Variants in RCAN2 observed in about 807,000 individuals in gnomAD.
RCAN2 encodes the protein calcipressin-2.
A neutral mutation model predicts 23.6 loss-of-function variants in RCAN2; 9 were observed. The ratio of observed to expected loss-of-function variants is 0.38; its 90% CI spans 0.23 to 0.67. The LOEUF (loss-of-function observed/expected upper bound fraction) is 0.67. Among genes scored for constraint, RCAN2 ranks in the 30% least tolerant of loss-of-function variants. The probability of loss-of-function intolerance (pLI) is 0.51; values close to 1 mark genes in which losing one functional copy is unlikely to be tolerated. For synonymous variants in RCAN2, 109 were observed against 115.7 expected, an observed-to-expected ratio of 0.94 and a Z score of 0.37; for missense variants, 273 against 302.3, an observed-to-expected ratio of 0.90 and a Z score of 0.72.
At chr6:46,326,511 T>C (rs2150364701) in intron 2 of RCAN2, among the ~76,000 whole-genome samples, 1 of 152,350 alleles carries the variant, frequency 6.6e-6, no homozygotes. Flanking sequence ...CCTTTATATC[T>C]TCAGTCTTTC....
At chr6:46,367,734 C>T (rs903835927) in intron 2 of RCAN2, among the ~76,000 whole-genome samples, 1 of 152,120 alleles carries the variant, frequency 6.6e-6, no homozygotes, top group African/African-American at 2.4e-5. Context: ...TCTCAGATTA[C>T]AAGATTAGGA....
Position 46,445,801 on chromosome 6 carries a change from C to T in RCAN2, c.225+10951G>A, listed in dbSNP as rs182837621. Among the ~76,000 whole-genome samples the T allele has an allele frequency of 2.8e-3, 426 of 151,386 alleles. 2 individuals carry two copies. Among genetic ancestry groups the T allele is most frequent in the African/African-American group, 9.4e-3 (387 of 41,254 alleles). Reference sequence around the variant, plus strand: ...AAAATACAATAGAGGGTGTCAACAGCGAACTGGTGAAGCAGAAGAAAGCCT... The same window carrying T: ...AAAATACAATAGAGGGTGTCAACAGTGAACTGGTGAAGCAGAAGAAAGCCT... On this transcript the variant is annotated intron_variant, in intron 2 of 4. Transcript: ENST00000371374.
intron 2 of RCAN2, among the ~76,000 whole-genome samples, chr6:46,329,645 C>A (rs1489993729): frequency 6.6e-6 from 1 of 152,088 alleles, no homozygotes; most frequent in Non-Finnish European, 1.5e-5. Context: ...AGAAGGGCTG[C>A]AAAGGCATGG....
chr6:46,328,334 T>C (rs1763859158), intron 2 of RCAN2, among the ~76,000 whole-genome samples: 1 of 152,214 alleles, frequency 6.6e-6, no homozygotes, highest in South Asian at 2.1e-4. Flanking sequence ...TAACTCATAG[T>C]ATTATCCCTC....
chr6:46,399,677 G>T lies in RCAN2; in HGVS notation c.225+57075C>A, dbSNP rs1366199601. On this transcript the variant is annotated intron_variant, in intron 2 of 4. Coordinates refer to ENST00000371374, the MANE Select transcript of RCAN2 (RefSeq NM_001251974.2). ...GGCTGCCAGCAATCCCTCCACTCCTGGCTTCTAGATGAGTTACTCCAATCT... is the reference window on the plus strand; with the variant it reads ...GGCTGCCAGCAATCCCTCCACTCCTTGCTTCTAGATGAGTTACTCCAATCT... Among the ~76,000 whole-genome samples, 6 of 151,752 alleles carry T rather than the reference G, an allele frequency of 4.0e-5. No individual in the cohort carries two copies. The South Asian group carries it at 1.3e-3, about 32-fold the overall frequency.
At chr6:46,440,752 T>C (rs1230358561) in intron 2 of RCAN2, among the ~76,000 whole-genome samples, 2 of 152,064 alleles carry the variant, frequency 1.3e-5, no homozygotes, top group Admixed American at 1.3e-4. Context: ...CACATAATCC[T>C]CATAGTGAGA....
chr6:46,468,604 T>G (rs973952020), intron 1 of RCAN2, among the ~76,000 whole-genome samples: 1 of 152,232 alleles, frequency 6.6e-6, no homozygotes, highest in South Asian at 2.1e-4. Flanking sequence ...CAAACCCATT[T>G]ATTGACGTTT....
At chr6:46,243,156 G>A (rs567532213) in intron 4 of RCAN2, among the ~76,000 whole-genome samples, 56 of 152,294 alleles carry the variant, frequency 3.7e-4, no homozygotes, top group South Asian at 8.3e-4. Context: ...GAAGGGTGTG[G>A]CCCTGCTCCC....
intron 2 of RCAN2, among the ~76,000 whole-genome samples, chr6:46,363,425 T>C (rs995266234): frequency 6.6e-6 from 1 of 152,104 alleles, no homozygotes; most frequent in African/African-American, 2.4e-5. Flanking sequence ...AATTTCACTT[T>C]AAAAATGTAT....
intron 2 of RCAN2, among the ~76,000 whole-genome samples, chr6:46,347,635 T>C (rs1438696771): frequency 1.3e-5 from 2 of 152,218 alleles, no homozygotes; most frequent in African/African-American, 4.8e-5. Flanking sequence ...GTTACCTTGT[T>C]TTTTAAAATA....
intron 4 of RCAN2, among the ~76,000 whole-genome samples, chr6:46,238,379 A>G (rs932583131): frequency 3.3e-5 from 5 of 152,054 alleles, no homozygotes; most frequent in African/African-American, 1.2e-4. Flanking sequence ...TTAAACCCCT[A>G]ATGGTGTCTG....
intron 2 of RCAN2, among the ~76,000 whole-genome samples, chr6:46,394,870 G>A (rs1404172226): frequency 2.6e-5 from 4 of 152,170 alleles, no homozygotes; most frequent in Admixed American, 2.6e-4. Flanking sequence ...GGAAGCAGTG[G>A]ACATAGTGAG....
chr6:46,489,579 G>A (rs1354717985), intron 1 of RCAN2, among the ~76,000 whole-genome samples: 1 of 152,248 alleles, frequency 6.6e-6, no homozygotes, highest in Non-Finnish European at 1.5e-5. Flanking sequence ...ACACCGTGAT[G>A]TGCACTTACA....
At chr6:46,378,367 C>T (rs796371666) in intron 2 of RCAN2, among the ~76,000 whole-genome samples, 6 of 152,254 alleles carry the variant, frequency 3.9e-5, no homozygotes, top group African/African-American at 1.4e-4. Flanking sequence ...TTATGAATAC[C>T]TGGTCCAATG....
Position 46,388,397 on chromosome 6 carries a change from T to C in RCAN2, c.225+68355A>G, listed in dbSNP as rs190898127. 4.5e-4 allele frequency among the ~76,000 whole-genome samples: 68 copies of C among 152,256 alleles called. 2 individuals carry two copies. In the East Asian group the frequency reaches 0.013, roughly 29 times the overall value. ...TCGTGGAAGGCAGTGTGGCAATTCC[T>C]GAAGGATCTAGAACCAGAAATACCA... On this transcript the variant is annotated intron_variant, in intron 2 of 4. Coordinates refer to ENST00000371374, the MANE Select transcript of RCAN2 (RefSeq NM_001251974.2).
At chr6:46,334,460 A>T (rs1764080246) in intron 2 of RCAN2, among the ~76,000 whole-genome samples, 1 of 152,218 alleles carries the variant, frequency 6.6e-6, no homozygotes, top group African/African-American at 2.4e-5. Context: ...CACACAGACA[A>T]GAAATAAATC....
chr6:46,434,893 G>A (rs1030395883), intron 2 of RCAN2, among the ~76,000 whole-genome samples: 4 of 152,184 alleles, frequency 2.6e-5, no homozygotes, highest in Non-Finnish European at 4.4e-5. Context: ...AGGGCAGCCC[G>A]CACACAAAGA....
At chr6:46,228,624 C>G (rs555023093) in intron 4 of RCAN2, among the ~76,000 whole-genome samples, 17 of 151,932 alleles carry the variant, frequency 1.1e-4, no homozygotes, top group African/African-American at 3.9e-4. Context: ...TTTCTATTTG[C>G]TTGGTAGATC....
At chr6:46,353,904 T>A (rs890842631) in intron 2 of RCAN2, among the ~76,000 whole-genome samples, 12 of 152,328 alleles carry the variant, frequency 7.9e-5, no homozygotes, top group Non-Finnish European at 1.5e-4. Context: ...ATTGCATGCA[T>A]AAATGACATT....
Sources: gnomAD v4.1 joint callset for allele counts (sites outside exome capture counted in the v4.1 genomes callset) on GRCh38, gnomAD v4.1.1 for gene constraint, MANE v1.5 for transcripts, NCBI Gene and HGNC (gene_info 2026-07-23, HGNC 2026-07-21) for gene names.